PROCR: variants seen among roughly 807,000 people sequenced by gnomAD.
The protein encoded by PROCR is endothelial protein C receptor.
In PROCR, 22 loss-of-function variants were observed where a neutral mutation model predicts 24.2. The observed-to-expected ratio is 0.91, with a 90% confidence interval of 0.65 to 1.30. The LOEUF (loss-of-function observed/expected upper bound fraction) is 1.30, where lower values mean the gene tolerates loss of function less well. Ranked by LOEUF, PROCR falls within the 50% of genes most tolerant of loss-of-function variation. The probability of loss-of-function intolerance (pLI) is 0.00; values close to 1 mark genes in which losing one functional copy is unlikely to be tolerated. For missense variants in PROCR, 288 were observed against 307.7 expected (o/e 0.94, Z 0.48); for synonymous variants, 137 against 139.2 (o/e 0.98, Z 0.11).
chr20:35,206,474 C>CAAAAAAA (rs34186603), intron 1 of PROCR, among the ~76,000 whole-genome samples: 2 of 68,728 alleles, frequency 2.9e-5, no homozygotes, highest in Admixed American at 1.9e-4. Context: ...GACTCTATCT[C>CAAAAAAA]AAAAAAAAAA....
At chr20:35,214,178 A>G (rs1390535720) in intron 1 of PROCR, among the ~76,000 whole-genome samples, 1 of 152,184 alleles carries the variant, frequency 6.6e-6, no homozygotes, top group Non-Finnish European at 1.5e-5. Context: ...GGAAGTAAGC[A>G]CTATTATCAG....
chr20:35,209,607 G>A (rs113407070), intron 1 of PROCR, among the ~76,000 whole-genome samples: 13 of 152,308 alleles, frequency 8.5e-5, no homozygotes, highest in African/African-American at 2.9e-4. Context: ...AACTGGAAGA[G>A]ATGGAGCTAG....
At chr20:35,194,519 G>T (rs1048931760) in intron 1 of PROCR, among the ~76,000 whole-genome samples, 3 of 152,174 alleles carry the variant, frequency 2.0e-5, no homozygotes, top group African/African-American at 7.2e-5. Context: ...CACAAATGGA[G>T]AGACCAACTT....
chr20:35,182,609 G>T lies in PROCR; in HGVS notation c.94+6163G>T, dbSNP rs537054479. Among the ~76,000 whole-genome samples the T allele has an allele frequency of 4.5e-4, 68 of 152,194 alleles. No individual in the cohort carries two copies. In the Middle Eastern group the frequency reaches 0.02, roughly 46 times the overall value. On this transcript the variant is annotated intron_variant, in intron 1 of 1. Transcript: ENST00000634509. The stretch of plus-strand genomic sequence containing the variant: ...AAGGAGCCCAGTCTTTTCTTGGGAA[G>T]ATAAAACATACAAAAGAGAACAACA...
chr20:35,172,064 C>A, upstream of PROCR: 1 of 1,205,926 alleles, frequency 8.3e-7, no homozygotes, highest in Non-Finnish European at 1.2e-6. Context: ...CCCTCCCAGA[C>A]GGTCCTCACT....
chr20:35,174,741 G>A lies in PROCR; in HGVS notation c.110G>A (p.Arg37His), dbSNP rs767986456. The change falls in exon 2 of 4, where the codon CGC (arginine) becomes CAC (histidine). Residue 37 changes from arginine to histidine, a missense_variant. Transcript: ENST00000216968. ...RLHMLQISYF[R>H]DPYHVWYQGN... ...CATATGCTCCAGATCTCCTACTTCC[G>A]CGACCCCTATCACGTGTGGTACCAG... is the stretch of plus-strand genomic sequence containing the variant. 1.2e-6 allele frequency: 2 copies of A among 1,613,978 alleles called. No individual in the cohort carries two copies. Among genetic ancestry groups the A allele is most frequent in the African/African-American group, 1.3e-5 (1 of 74,980 alleles).
At chr20:35,205,838 C>CAT in intron 1 of PROCR, among the ~76,000 whole-genome samples, 1 of 127,128 alleles carries the variant, frequency 7.9e-6, no homozygotes, top group Non-Finnish European at 1.6e-5. Context: ...TCTACATATA[C>CAT]ATATATACAT....
intron 2 of PROCR, among the ~76,000 whole-genome samples, chr20:35,175,774 C>T (rs1383703276): frequency 1.3e-5 from 2 of 151,538 alleles, no homozygotes; most frequent in Non-Finnish European, 1.5e-5. Context: ...TTAGTAGAGA[C>T]GGGGTTTCGC....
At chr20:35,208,886 T>A (rs915106646) in intron 1 of PROCR, among the ~76,000 whole-genome samples, 1 of 152,068 alleles carries the variant, frequency 6.6e-6, no homozygotes, top group Non-Finnish European at 1.5e-5. Flanking sequence ...GCAGGAGAAT[T>A]GCTTGAATCC....
chr20:35,215,971 G>A (rs2060380845), exon 2 of PROCR: 1 of 709,812 alleles, frequency 1.4e-6, no homozygotes, highest in Non-Finnish European at 1.7e-6. Context: ...GCCGAGGCAG[G>A]AGGATCACTT....
chr20:35,181,957 A>C (rs2086082639), downstream of PROCR, among the ~76,000 whole-genome samples: 2 of 152,226 alleles, frequency 1.3e-5, no homozygotes. Flanking sequence ...AGCTGGAAGC[A>C]CTACCTCCAT....
rs1375630150 is a variant in PROCR at position 35,172,172 on chromosome 20, G to A, written c.18G>A (p.Leu6=). 1 of 1,614,182 alleles carries A rather than the reference G, an allele frequency of 6.2e-7. No individual in the cohort carries two copies. Among genetic ancestry groups the A allele is most frequent in the Non-Finnish European group, 8.5e-7 (1 of 1,180,036 alleles). MLTTL[L]PILLLSGWAF... is the part of the protein sequence containing the mutation. ...ACTTCAGGATGTTGACAACATTGCT[G>A]CCGATACTGCTGCTGTCTGGCTGGG... Residue 6 remains leucine (L), a synonymous_variant, in exon 1 of 4, where the codon CTG becomes CTA. Transcript: ENST00000216968.
chr20:35,214,393 A>G (rs2060373249), intron 1 of PROCR, among the ~76,000 whole-genome samples: 1 of 152,184 alleles, frequency 6.6e-6, no homozygotes, highest in Non-Finnish European at 1.5e-5. Context: ...ATTTTAAAAA[A>G]TGGCTGCATT....
chr20:35,215,125 G>T (rs1423517318), intron 1 of PROCR, among the ~76,000 whole-genome samples: 1 of 152,038 alleles, frequency 6.6e-6, no homozygotes, highest in Non-Finnish European at 1.5e-5. Flanking sequence ...GGTCAGGCTG[G>T]TCTCAAACTC....
At chr20:35,176,468 G>A (rs765074559) in intron 3 of PROCR, 22 bp downstream of exon 3, 3 of 1,611,604 alleles carry the variant, frequency 1.9e-6, no homozygotes, top group Non-Finnish European at 2.5e-6. Context: ...CGGGGCCCAG[G>A]CCTGCAAGCT....
At chr20:35,214,515 C>A (rs1371524581) in intron 1 of PROCR, among the ~76,000 whole-genome samples, 1 of 151,698 alleles carries the variant, frequency 6.6e-6, no homozygotes, top group Non-Finnish European at 1.5e-5. Context: ...TGAAACCCTG[C>A]CTCTACTAAA....
downstream of PROCR, among the ~76,000 whole-genome samples, chr20:35,181,068 A>G (rs2086074375): frequency 6.6e-6 from 1 of 150,874 alleles, no homozygotes; most frequent in African/African-American, 2.4e-5. Flanking sequence ...GGGTTTCACC[A>G]TGTTGGTCAG....
chr20:35,187,687 T>A (rs1034732351), intron 1 of PROCR, among the ~76,000 whole-genome samples: 3 of 152,182 alleles, frequency 2.0e-5, no homozygotes, highest in Non-Finnish European at 4.4e-5. Context: ...CTACACAGGG[T>A]GAAGAGTGAA....
chr20:35,180,853 TTTTTGTTTTTTG>T (rs1777759027), downstream of PROCR, among the ~76,000 whole-genome samples: 1 of 126,594 alleles, frequency 7.9e-6, no homozygotes, highest in African/African-American at 2.7e-5. Flanking sequence ...TGTTGTTTGT[TTTTTGTTTTTTG>T]TTTTGTTTTG....
Sources: allele counts gnomAD v4.1 joint callset (sites outside exome capture counted in the v4.1 genomes callset), GRCh38; gene constraint gnomAD v4.1.1; transcripts MANE v1.5; gene names NCBI Gene and HGNC (gene_info 2026-07-23, HGNC 2026-07-21).